The following PIEZO1 variants were observed in gnomAD, a reference collection of about 807,000 sequenced individuals.
The protein encoded by PIEZO1 is piezo type mechanosensitive ion channel component 1 (Er blood group), also known as piezo-type mechanosensitive ion channel component 1.
A neutral mutation model predicts 297.2 loss-of-function variants in PIEZO1; 296 were observed. That is an observed-to-expected ratio of 1.00 (90% confidence interval 0.91 to 1.10). The LOEUF is 1.10. Among genes scored for constraint, PIEZO1 ranks in the 50% least tolerant of loss-of-function variants. PIEZO1 has a pLI of 0.00. For missense variants in PIEZO1, 5,018 were observed against 3,455.5 expected, an observed-to-expected ratio of 1.45 and a Z score of -11.34; for synonymous variants, 2,427 against 1,507.5, an observed-to-expected ratio of 1.61 and a Z score of -14.13.
intron 1 of PIEZO1, among the ~76,000 whole-genome samples, chr16:88,750,485 C>T (rs903343069): frequency 6.6e-6 from 1 of 152,252 alleles, no homozygotes; most frequent in Non-Finnish European, 1.5e-5. Context: ...CACCATGTCC[C>T]GTGTCTGCCC....
Position 88,727,049 on chromosome 16 carries a change from T to A in PIEZO1, c.3445A>T (p.Ile1149Phe). 2 of 1,549,074 alleles carry A rather than the reference T, an allele frequency of 1.3e-6. No homozygotes were observed. The highest frequency in any genetic ancestry group is 1.7e-6 in the Non-Finnish European group (2 of 1,146,022). ...TGACGTGGAACCCACCTGCAGTGGA[T>A]AAAGTTGGGCACGGGGTTGGGCTCC... ...RGEPNPVPNFIHCRSYLDMLK... is the reference protein window; with the variant it reads ...RGEPNPVPNFFHCRSYLDMLK... The change falls in exon 24 of 51, where the codon ATC becomes TTC. Residue 1149 changes from isoleucine (I) to phenylalanine (F), a missense_variant. Ile to Phe is a conservative substitution (Grantham distance 21). Coordinates refer to ENST00000301015, the MANE Select transcript of PIEZO1 (RefSeq NM_001142864.4).
intron 1 of PIEZO1, among the ~76,000 whole-genome samples, chr16:88,761,254 G>A (rs1567689386): frequency 6.6e-6 from 1 of 152,232 alleles, no homozygotes; most frequent in Non-Finnish European, 1.5e-5. Context: ...CAAGCCAGGG[G>A]TGACTCCACC....
intron 5 of PIEZO1, chr16:88,741,218 G>C (rs747543081): frequency 5.0e-6 from 2 of 397,508 alleles, no homozygotes; most frequent in Non-Finnish European, 9.1e-6. Context: ...CCCCTGTGAA[G>C]AGTTCCTAAG....
Position 88,735,162 on chromosome 16 carries a change from G to C in PIEZO1, c.1642C>G (p.Leu548Val). Reference sequence around the variant, plus strand: ...GTGTCTGCCACGGTGACCTCCGTCAGCGCAGCTGGAGACTCTGCCCACTTC... The same window carrying C: ...GTGTCTGCCACGGTGACCTCCGTCACCGCAGCTGGAGACTCTGCCCACTTC... ...LLKWAESPAALTEVTVADTEP... is the reference protein window; with the variant it reads ...LLKWAESPAAVTEVTVADTEP... The change falls in exon 13 of 51, where the codon CTG (leucine) becomes GTG (valine). Residue 548 changes from leucine to valine, a missense_variant. Transcript: ENST00000301015. 6.5e-7 allele frequency: 1 copy of C among 1,550,310 alleles called. No individual in the cohort carries two copies. Among genetic ancestry groups the C allele is most frequent in the East Asian group, 2.4e-5 (1 of 40,926 alleles).
Position 88,725,470 on chromosome 16 carries a change from C to G in PIEZO1, c.4108G>C (p.Asp1370His). The G allele has an allele frequency of 6.6e-7, 1 of 1,513,144 alleles. No homozygotes were observed. The highest frequency in any genetic ancestry group is 1.4e-5 in the African/African-American group (1 of 72,136). 93.7% of individuals were successfully genotyped at this position (1,513,144 alleles called of 1,614,324 possible). The change falls in exon 29 of 51, where the codon GAC becomes CAC. Residue 1370 changes from aspartate to histidine, a missense_variant. Coordinates refer to ENST00000301015, the MANE Select transcript of PIEZO1 (RefSeq NM_001142864.4). ...AGGGTGTCCTGGGGGCGACTGCGGT[C>G]CACCCGGCCCTGCCTGTGCTTCTCC... Reference protein sequence around the residue: ...KQEKHRQGRVDRSRPQDTLGP... With the variant: ...KQEKHRQGRVHRSRPQDTLGP...
intron 1 of PIEZO1, among the ~76,000 whole-genome samples, chr16:88,770,754 G>A (rs906231310): frequency 1.3e-4 from 20 of 152,230 alleles, no homozygotes; most frequent in Non-Finnish European, 2.8e-4. Context: ...CGGTTCCCAC[G>A]GAGCAGTCAG....
chr16:88,716,765 C>T lies in PIEZO1; in HGVS notation c.6754-34G>A, dbSNP rs548784849. 249 of 1,548,834 alleles carry T rather than the reference C, an allele frequency of 1.6e-4. 2 individuals carry two copies. In the South Asian group the frequency reaches 2.6e-3, roughly 16 times the overall value. ...AAGTGACACCCTCAGTGACTGCAGC[C>T]GCCTCCCCACACCAGCTTTCACAGG... On this transcript the variant is annotated intron_variant, in intron 46 of 50. Transcript: ENST00000301015.
rs541983491 is a variant in PIEZO1 at position 88,772,805 on chromosome 16, C to A, written c.64+12096G>T. 7.6e-4 allele frequency among the ~76,000 whole-genome samples: 116 copies of A among 152,088 alleles called. 1 individual carries two copies. The highest frequency in any genetic ancestry group is 2.6e-3 in the African/African-American group (109 of 41,526). On this transcript the variant is annotated intron_variant, in intron 1 of 50. Transcript: ENST00000301015. ...AAAAAAAAAAAAAGGCCTGTGCCCCCTCCTCCCTGTTCTCTGAGGGGGATG... is the reference window on the plus strand; with the variant it reads ...AAAAAAAAAAAAAGGCCTGTGCCCCATCCTCCCTGTTCTCTGAGGGGGATG...
intron 2 of PIEZO1, among the ~76,000 whole-genome samples, chr16:88,748,117 G>A (rs1906159824): frequency 2.0e-5 from 3 of 152,156 alleles, no homozygotes; most frequent in Admixed American, 2.0e-4. Context: ...GCCCTCTGCT[G>A]GGGAAGGTCT....
intron 29 of PIEZO1, 48 bp downstream of exon 29, chr16:88,725,368 G>T: frequency 8.8e-7 from 1 of 1,137,948 alleles, no homozygotes; most frequent in Non-Finnish European, 1.2e-6. Context: ...AGCAGGCACA[G>T]ACATGCTGGA....
Position 88,723,960 on chromosome 16 carries a change from C to T in PIEZO1, c.4246G>A (p.Gly1416Arg), listed in dbSNP as rs771605269. 47 of 1,545,198 alleles carry T rather than the reference C, an allele frequency of 3.0e-5. No homozygotes were observed. Among genetic ancestry groups the T allele is most frequent in the South Asian group, 9.5e-5 (8 of 83,976 alleles). ...TCGGACTCAAACAGGAAGTAGTCCC[C>T]GGAGTGGATGACTGTGGGCAGGCAG... ...WLDHATVIHSGDYFLFESDSE... is the reference protein window; with the variant it reads ...WLDHATVIHSRDYFLFESDSE... The change falls in exon 31 of 51, where the codon GGG becomes AGG. Residue 1416 changes from glycine to arginine, a missense_variant. Transcript: ENST00000301015.
In PIEZO1 at chr16:88,733,984, C is replaced by CCTCCTGCTGCTGCTGCTGATG. The variant is rs763492110; in HGVS notation, c.2230_2250dup (p.His744_Glu750dup). On this transcript the variant is annotated inframe_insertion, in exon 17 of 51. Transcript: ENST00000301015. ...CTGGAGTCCTCCTCCTCCTCCTCCT[C>CCTCCTGCTGCTGCTGCTGATG]CTCCTGCTGCTGCTGCTGATGCTCC... 2.5e-5 allele frequency: 38 copies of CCTCCTGCTGCTGCTGCTGATG among 1,521,970 alleles called. No individual in the cohort carries two copies. The highest frequency in any genetic ancestry group is 2.7e-6 in the Non-Finnish European group (3 of 1,123,528). 94.3% of individuals were successfully genotyped at this position (1,521,970 alleles called of 1,614,324 possible).
intron 1 of PIEZO1, among the ~76,000 whole-genome samples, chr16:88,750,449 C>T (rs377569042): frequency 8.5e-5 from 13 of 152,264 alleles, no homozygotes; most frequent in East Asian, 5.8e-4. Context: ...AAATGCTCTG[C>T]GTGGCCGCAC....
Position 88,737,973 on chromosome 16 carries a change from G to C in PIEZO1, c.981C>G (p.Ala327=), listed in dbSNP as rs1049051852. ...GGTACGCGCGGAGCTTGCGCAGAGA[G>C]GCCGTGGCGTAGCACAGCAGCAGGA... ...GVLLLLCYAT[A]SLRKLRAYRP... is the part of the protein sequence containing the mutation. Residue 327 remains alanine, a synonymous_variant, in exon 8 of 51, where the codon GCC becomes GCG. Transcript: ENST00000301015. 2.6e-6 allele frequency: 4 copies of C among 1,534,094 alleles called. No homozygotes were observed. Among genetic ancestry groups the C allele is most frequent in the Non-Finnish European group, 3.5e-6 (4 of 1,145,846 alleles).
intron 27 of PIEZO1, 147 bp downstream of exon 27, chr16:88,726,137 T>A (rs2142783539): frequency 4.5e-6 from 3 of 667,416 alleles, no homozygotes; most frequent in Middle Eastern, 4.1e-4. Flanking sequence ...CTGCCGGCCT[T>A]CATTCTCCCT....
intron 1 of PIEZO1, among the ~76,000 whole-genome samples, chr16:88,760,488 G>C (rs965879464): frequency 6.6e-6 from 1 of 152,262 alleles, no homozygotes; most frequent in Admixed American, 6.5e-5. Context: ...CAGGCCCTAG[G>C]AGAGCTTTGT....
chr16:88,749,610 G>C, intron 1 of PIEZO1, 131 bp from the exon 2 acceptor site: 1 of 681,802 alleles, frequency 1.5e-6, no homozygotes, highest in Non-Finnish European at 2.4e-6. Flanking sequence ...CCCTGAGCCA[G>C]AGCCGTGGAA....
At chr16:88,748,301 A>C (rs1906169665) in intron 2 of PIEZO1, among the ~76,000 whole-genome samples, 1 of 152,284 alleles carries the variant, frequency 6.6e-6, no homozygotes. Context: ...CGTGGGCACA[A>C]AATGGACATG....
intron 1 of PIEZO1, among the ~76,000 whole-genome samples, chr16:88,761,030 C>G (rs1300149691): frequency 6.6e-6 from 1 of 152,234 alleles, no homozygotes; most frequent in Non-Finnish European, 1.5e-5. Context: ...AGAGTCAGGA[C>G]ACCCTCCCGG....
Sources: allele counts gnomAD v4.1 joint callset (sites outside exome capture counted in the v4.1 genomes callset), GRCh38; gene constraint gnomAD v4.1.1; transcripts MANE v1.5; gene names NCBI Gene and HGNC (gene_info 2026-07-23, HGNC 2026-07-21).